Variants in ACTN4 observed in about 807,000 individuals in gnomAD.
The protein encoded by ACTN4 is alpha-actinin-4.
A neutral mutation model predicts 114.2 loss-of-function variants in ACTN4; 18 were observed. That is an observed-to-expected ratio of 0.16 (90% CI 0.11 to 0.23). The LOEUF (loss-of-function observed/expected upper bound fraction) is 0.23. Among genes scored for constraint, ACTN4 ranks in the 10% least tolerant of loss-of-function variants. The pLI is 1.00. For synonymous variants in ACTN4, 515 were observed against 506.3 expected, an observed-to-expected ratio of 1.02 and a Z score of -0.23; for missense variants, 722 against 1,262.9, an observed-to-expected ratio of 0.57 and a Z score of 6.49.
intron 1 of ACTN4, among the ~76,000 whole-genome samples, chr19:38,681,736 C>T (rs373583018): frequency 1.3e-5 from 2 of 152,224 alleles, no homozygotes; most frequent in East Asian, 3.9e-4. Flanking sequence ...GGGTCTCCCC[C>T]AGACCCTTGG....
intron 1 of ACTN4, among the ~76,000 whole-genome samples, chr19:38,686,383 CCCTGAAA>C (rs1351682556): frequency 1.3e-5 from 2 of 151,458 alleles, no homozygotes; most frequent in Non-Finnish European, 2.9e-5. Context: ...CCCACCCCCA[CCCTGAAA>C]CCTGAGCTTA....
chr19:38,648,440 TGAA>T (rs1427542471), intron 1 of ACTN4, among the ~76,000 whole-genome samples: 7 of 151,336 alleles, frequency 4.6e-5, no homozygotes, highest in Non-Finnish European at 8.8e-5. Context: ...ATAAAGGGGA[TGAA>T]GAATCAAGTG....
chr19:38,697,397 TCTTA>T (rs1375110825), intron 1 of ACTN4, among the ~76,000 whole-genome samples: 2 of 152,274 alleles, frequency 1.3e-5, no homozygotes, highest in Non-Finnish European at 2.9e-5. Flanking sequence ...TTCATCTGGC[TCTTA>T]CTTTATGCCA....
intron 1 of ACTN4, among the ~76,000 whole-genome samples, chr19:38,665,100 AC>A: frequency 6.6e-6 from 1 of 152,124 alleles, no homozygotes; most frequent in South Asian, 2.1e-4. Context: ...AGCTAGCTGC[AC>A]CCCGGGAGGG....
chr19:38,670,816 G>A (rs1046900112), intron 1 of ACTN4, among the ~76,000 whole-genome samples: 2 of 151,716 alleles, frequency 1.3e-5, no homozygotes, highest in East Asian at 1.9e-4. Context: ...CCAGCTACTC[G>A]GGAGGCTGAG....
intron 12 of ACTN4, among the ~76,000 whole-genome samples, chr19:38,722,944 T>TTA (rs1178878386): frequency 2.0e-5 from 3 of 152,288 alleles, no homozygotes; most frequent in African/African-American, 7.2e-5. Flanking sequence ...TGAGGGGGAA[T>TTA]TACAGAGGCC....
intron 1 of ACTN4, among the ~76,000 whole-genome samples, chr19:38,677,606 C>G (rs200526287): frequency 6.3e-5 from 2 of 31,866 alleles, no homozygotes; most frequent in Non-Finnish European, 1.8e-4. Flanking sequence ...TGCATCCCAT[C>G]TAAAAGTGTG....
intron 1 of ACTN4, among the ~76,000 whole-genome samples, chr19:38,650,000 G>A (rs1976513052): frequency 6.6e-6 from 1 of 152,156 alleles, no homozygotes; most frequent in Admixed American, 6.5e-5. Context: ...TTGAGGGGAA[G>A]GTGAGATCTG....
At chr19:38,677,735 T>A (rs1188053581) in intron 1 of ACTN4, among the ~76,000 whole-genome samples, 1 of 152,134 alleles carries the variant, frequency 6.6e-6, no homozygotes, top group Admixed American at 6.6e-5. Context: ...ATGCGATGCT[T>A]TTCTTTTTTT....
At position 38,726,527 on chromosome 19, in the gene ACTN4, C is replaced by T. The variant is rs112357191; in HGVS notation, c.2191-430C>T. ...CAGCAGCTCCCACTGGCTAACACTC[C>T]GGGGACATTACAAGCTGGTCGCCGT... is the stretch of plus-strand genomic sequence containing the variant. On this transcript the variant is annotated intron_variant, in intron 17 of 20. Transcript: ENST00000252699. 2.4e-3 allele frequency among the ~76,000 whole-genome samples: 371 copies of T among 152,270 alleles called. 2 individuals carry two copies. Among genetic ancestry groups the T allele is most frequent in the African/African-American group, 8.5e-3 (353 of 41,560 alleles).
At chr19:38,676,312 G>A (rs1335033868) in intron 1 of ACTN4, among the ~76,000 whole-genome samples, 1 of 152,218 alleles carries the variant, frequency 6.6e-6, no homozygotes, top group Non-Finnish European at 1.5e-5. Context: ...GGTCCTGGAA[G>A]TAAGATTCCT....
chr19:38,682,237 T>TG, intron 1 of ACTN4, among the ~76,000 whole-genome samples: 1 of 152,222 alleles, frequency 6.6e-6, no homozygotes, highest in Admixed American at 6.5e-5. Context: ...GATGGGATCT[T>TG]GCATCTTGCC....
At chr19:38,723,307 G>T (rs1354132256) in intron 12 of ACTN4, among the ~76,000 whole-genome samples, 1 of 152,142 alleles carries the variant, frequency 6.6e-6, no homozygotes, top group Non-Finnish European at 1.5e-5. Flanking sequence ...CCTGGTTGAA[G>T]GGCCACACTC....
At chr19:38,699,321 G>A (rs12981984) in intron 1 of ACTN4, among the ~76,000 whole-genome samples, 8,615 of 152,226 alleles carry the variant, frequency 0.057, 260 homozygotes, top group South Asian at 0.095. Flanking sequence ...CAGGGACTTC[G>A]GCTTCTTGTT....
chr19:38,710,430 T>C, intron 8 of ACTN4, 88 bp downstream of exon 8: 1 of 1,418,450 alleles, frequency 7.0e-7, no homozygotes, highest in Non-Finnish European at 9.8e-7. Context: ...CTCATTTCTC[T>C]TGCAGACGGC....
intron 1 of ACTN4, among the ~76,000 whole-genome samples, chr19:38,683,448 G>GC (rs925443342): frequency 2.0e-5 from 3 of 152,154 alleles, no homozygotes; most frequent in African/African-American, 7.2e-5. Context: ...CCCTCCTTGA[G>GC]CCAGGCCCCG....
intron 8 of ACTN4, among the ~76,000 whole-genome samples, chr19:38,712,769 A>G (rs1172103355): frequency 1.3e-5 from 2 of 152,152 alleles, no homozygotes; most frequent in Non-Finnish European, 2.9e-5. Flanking sequence ...GCCCCGAACC[A>G]GCCCCCTGCC....
At position 38,729,651 on chromosome 19, in the gene ACTN4, C is replaced by T. The variant is rs1287827103; in HGVS notation, c.*219C>T. On this transcript the variant is annotated 3_prime_UTR_variant, in exon 21 of 21. Coordinates refer to ENST00000252699, the MANE Select transcript of ACTN4 (RefSeq NM_004924.6). ...CCAGGTTGGGGAGACTTGGGGCCAGCGCTTCTGGTCTGGTAAATATGTATG... is the reference window on the plus strand; with the variant it reads ...CCAGGTTGGGGAGACTTGGGGCCAGTGCTTCTGGTCTGGTAAATATGTATG... The T allele has an allele frequency of 8.3e-6, 6 of 726,588 alleles. No homozygotes were observed. The highest frequency in any genetic ancestry group is 5.4e-5 in the East Asian group (2 of 37,048). The allele number at this position is 726,588 out of a possible 1,614,324, so 45.0% of individuals were successfully genotyped here.
At chr19:38,716,143 G>C (rs1308293341) in intron 9 of ACTN4, among the ~76,000 whole-genome samples, 1 of 152,126 alleles carries the variant, frequency 6.6e-6, no homozygotes, top group Non-Finnish European at 1.5e-5. Flanking sequence ...GACCTCAGGT[G>C]ATCCACTCAC....
Sources: gnomAD v4.1 joint callset for allele counts (sites outside exome capture counted in the v4.1 genomes callset) on GRCh38, gnomAD v4.1.1 for gene constraint, MANE v1.5 for transcripts, NCBI Gene and HGNC (gene_info 2026-07-23, HGNC 2026-07-21) for gene names.